Variants in DPP10 observed in about 807,000 individuals in gnomAD.
The protein encoded by DPP10 is inactive dipeptidyl peptidase 10.
Under a neutral mutation model 120.9 loss-of-function variants are expected in DPP10, and 33 were observed. The ratio of observed to expected loss-of-function variants is 0.27; its 90% CI spans 0.21 to 0.37. The LOEUF is 0.37. Among genes scored for constraint, DPP10 ranks in the 10% least tolerant of loss-of-function variants. The pLI is 1.00. For missense variants in DPP10, 816 were observed against 942.8 expected, an observed-to-expected ratio of 0.87 and a Z score of 1.76; for synonymous variants, 337 against 326.1, an observed-to-expected ratio of 1.03 and a Z score of -0.36.
intron 1 of DPP10, among the ~76,000 whole-genome samples, chr2:114,876,069 T>C (rs1030301870): frequency 2.0e-5 from 3 of 152,092 alleles, no homozygotes; most frequent in Non-Finnish European, 4.4e-5. Flanking sequence ...ACTGTTCAAA[T>C]ATTTGACAAG....
chr2:115,112,748 A>C (rs1409864367), intron 1 of DPP10, among the ~76,000 whole-genome samples: 1 of 152,210 alleles, frequency 6.6e-6, no homozygotes, highest in African/African-American at 2.4e-5. Context: ...ACAAAATTTC[A>C]GTTAGGGGAA....
intron 3 of DPP10, among the ~76,000 whole-genome samples, chr2:115,442,039 C>T (rs1232291369): frequency 1.3e-5 from 2 of 151,836 alleles, no homozygotes; most frequent in Non-Finnish European, 2.9e-5. Context: ...GTGTCGATCT[C>T]TTGACTTCAT....
chr2:115,547,415 T>C (rs2079577571), intron 5 of DPP10, among the ~76,000 whole-genome samples: 1 of 152,166 alleles, frequency 6.6e-6, no homozygotes, highest in African/African-American at 2.4e-5. Flanking sequence ...GAAAACAAAA[T>C]GCTTTATCTC....
At chr2:114,659,494 T>C (rs1443819676) in intron 1 of DPP10, among the ~76,000 whole-genome samples, 1 of 152,094 alleles carries the variant, frequency 6.6e-6, no homozygotes, top group East Asian at 1.9e-4. Flanking sequence ...AGCCAAGTAA[T>C]GGGGTTTAGT....
intron 7 of DPP10, among the ~76,000 whole-genome samples, chr2:115,702,039 T>C (rs527626037): frequency 6.6e-6 from 1 of 152,182 alleles, no homozygotes; most frequent in South Asian, 2.1e-4. Context: ...AGTTTAAGTT[T>C]GATAATACCA....
chr2:115,740,164 A>G (rs1677078960), intron 9 of DPP10, among the ~76,000 whole-genome samples: 1 of 152,080 alleles, frequency 6.6e-6, no homozygotes, highest in Admixed American at 6.6e-5. Context: ...CTTACAGTTG[A>G]AAGGGGAGAG....
At chr2:114,893,214 TA>T (rs1383502370) in intron 1 of DPP10, among the ~76,000 whole-genome samples, 3 of 152,202 alleles carry the variant, frequency 2.0e-5, no homozygotes, top group Non-Finnish European at 4.4e-5. Context: ...TACAGTACAC[TA>T]ATGTTCCATG....
At chr2:115,230,388 C>T (rs906741472) in intron 1 of DPP10, among the ~76,000 whole-genome samples, 1 of 151,798 alleles carries the variant, frequency 6.6e-6, no homozygotes, top group Non-Finnish European at 1.5e-5. Flanking sequence ...TTTTTCTTTC[C>T]AAGTTGAATG....
intron 1 of DPP10, among the ~76,000 whole-genome samples, chr2:115,264,859 G>A (rs995210534): frequency 1.1e-4 from 16 of 152,132 alleles, no homozygotes; most frequent in Admixed American, 5.9e-4. Context: ...TGGGTACCAA[G>A]TTTTGGGCTA....
chr2:115,367,691 A>G (rs2065159928), intron 3 of DPP10, among the ~76,000 whole-genome samples: 1 of 152,056 alleles, frequency 6.6e-6, no homozygotes, highest in Admixed American at 6.6e-5. Flanking sequence ...TCAGAAAATG[A>G]TTACAATTAT....
At chr2:115,126,251 T>G (rs1240765819) in intron 1 of DPP10, among the ~76,000 whole-genome samples, 2 of 152,064 alleles carry the variant, frequency 1.3e-5, no homozygotes, top group African/African-American at 4.8e-5. Flanking sequence ...TCCAAGTAGC[T>G]GGGACTACTG....
intron 1 of DPP10, among the ~76,000 whole-genome samples, chr2:114,667,096 GT>G (rs1431422857): frequency 6.6e-6 from 1 of 152,160 alleles, no homozygotes; most frequent in African/African-American, 2.4e-5. Context: ...GAGTGTGGCT[GT>G]GTTCATGGGC....
chr2:114,967,407 G>T (rs535475074), intron 1 of DPP10, among the ~76,000 whole-genome samples: 3 of 152,160 alleles, frequency 2.0e-5, no homozygotes, highest in Non-Finnish European at 2.9e-5. Context: ...CAGAGAGCCC[G>T]CAGAGGCTTT....
At chr2:115,815,785 TCC>T in intron 21 of DPP10, 56 bp downstream of exon 21, 15 of 1,473,650 alleles carry the variant, frequency 1.0e-5, no homozygotes, top group Non-Finnish European at 1.4e-5. Context: ...TTATGTAATA[TCC>T]TATTACACAT....
chr2:115,141,706 T>G (rs919733055), intron 1 of DPP10, among the ~76,000 whole-genome samples: 9 of 152,174 alleles, frequency 5.9e-5, no homozygotes, highest in African/African-American at 1.9e-4. Flanking sequence ...TATATACAGG[T>G]GTATTCTATT....
chr2:114,473,493 G>C (rs1432436019), intron 1 of DPP10, among the ~76,000 whole-genome samples: 1 of 152,188 alleles, frequency 6.6e-6, no homozygotes, highest in Non-Finnish European at 1.5e-5. Context: ...ATTTTTTGAA[G>C]ATCAGTTTGT....
intron 3 of DPP10, among the ~76,000 whole-genome samples, chr2:115,385,289 A>AGTC (rs1027038179): frequency 4.0e-5 from 6 of 151,874 alleles, no homozygotes; most frequent in African/African-American, 1.2e-4. Flanking sequence ...GGCCTCACTG[A>AGTC]GTCCTTCTTC....
intron 1 of DPP10, among the ~76,000 whole-genome samples, chr2:115,266,390 T>C (rs1213271245): frequency 6.6e-6 from 1 of 152,144 alleles, no homozygotes; most frequent in Non-Finnish European, 1.5e-5. Context: ...TTTATGTTTT[T>C]CTTAGATTTT....
chr2:114,837,703 T>A (rs1337888584), intron 1 of DPP10, among the ~76,000 whole-genome samples: 1 of 152,188 alleles, frequency 6.6e-6, no homozygotes, highest in African/African-American at 2.4e-5. Flanking sequence ...TAAACCTCAA[T>A]GGCAATTGAT....
Sources: gnomAD v4.1 joint callset for allele counts (sites outside exome capture counted in the v4.1 genomes callset) on GRCh38, gnomAD v4.1.1 for gene constraint, MANE v1.5 for transcripts, NCBI Gene and HGNC (gene_info 2026-07-23, HGNC 2026-07-21) for gene names.